Variants in DSCAML1 observed in about 807,000 individuals in gnomAD.
The protein encoded by DSCAML1 is cell adhesion molecule DSCAML1.
A neutral mutation model predicts 200.5 loss-of-function variants in DSCAML1; 38 were observed. The ratio of observed to expected loss-of-function variants is 0.19; its 90% CI spans 0.15 to 0.25. The LOEUF (loss-of-function observed/expected upper bound fraction) is 0.25, where lower values mean the gene tolerates loss of function less well. DSCAML1 is among the 10% of genes least tolerant of loss of function. The pLI is 1.00. For synonymous variants in DSCAML1, 1,215 were observed against 1,165.0 expected, an observed-to-expected ratio of 1.04 and a Z score of -0.87; for missense variants, 2,223 against 2,858.8, an observed-to-expected ratio of 0.78 and a Z score of 5.07.
intron 3 of DSCAML1, among the ~76,000 whole-genome samples, chr11:117,547,925 C>T (rs969259011): frequency 6.6e-6 from 1 of 152,214 alleles, no homozygotes; most frequent in Non-Finnish European, 1.5e-5. Context: ...TCTCCCACCC[C>T]TTCCCAGGGT....
chr11:117,726,086 G>A (rs2054124440), intron 3 of DSCAML1, among the ~76,000 whole-genome samples: 1 of 152,220 alleles, frequency 6.6e-6, no homozygotes, highest in African/African-American at 2.4e-5. Context: ...GCAGCCATAG[G>A]ACACCACCCA....
At chr11:117,769,761 C>A (rs2055005101) in intron 3 of DSCAML1, among the ~76,000 whole-genome samples, 3 of 150,838 alleles carry the variant, frequency 2.0e-5, no homozygotes, top group African/African-American at 7.3e-5. Flanking sequence ...GAATAAAAGT[C>A]CCCTTGTCTT....
intron 3 of DSCAML1, among the ~76,000 whole-genome samples, chr11:117,750,637 C>T (rs980876917): frequency 6.6e-6 from 1 of 152,168 alleles, no homozygotes; most frequent in Admixed American, 6.5e-5. Context: ...GAGTGTAGGC[C>T]TCTGTGCTTA....
In DSCAML1 at chr11:117,602,567, C is replaced by G. The variant is rs553277377; in HGVS notation, c.512-70045G>C. ...GTAGAGATGGAGTTTCACCATGTTG[C>G]CCAGGCTGGTCTTGAACTCCTAAGC... On this transcript the variant is annotated intron_variant, in intron 3 of 32. Coordinates refer to ENST00000651296, the MANE Select transcript of DSCAML1 (RefSeq NM_020693.4). Among the ~76,000 whole-genome samples, 4 of 152,124 alleles carry G rather than the reference C, an allele frequency of 2.6e-5. No homozygotes were observed. The East Asian group carries it at 7.8e-4, about 30-fold the overall frequency.
intron 19 of DSCAML1, among the ~76,000 whole-genome samples, chr11:117,456,534 C>T (rs1188326514): frequency 1.3e-5 from 2 of 152,164 alleles, no homozygotes; most frequent in African/African-American, 2.4e-5. Context: ...GGAAATAATG[C>T]CTCCCTCACA....
At chr11:117,431,234 T>C (rs2047785716) in intron 31 of DSCAML1, among the ~76,000 whole-genome samples, 1 of 152,204 alleles carries the variant, frequency 6.6e-6, no homozygotes, top group South Asian at 2.1e-4. Context: ...CCTTTCATTC[T>C]TGAAAATAAG....
At chr11:117,708,724 G>A (rs575395412) in intron 3 of DSCAML1, among the ~76,000 whole-genome samples, 39 of 152,314 alleles carry the variant, frequency 2.6e-4, no homozygotes, top group Non-Finnish European at 3.7e-4. Context: ...ACACAGGCAG[G>A]GCTTTTGTGT....
chr11:117,428,707 G>C lies in DSCAML1; in HGVS notation c.5783C>G (p.Ala1928Gly). ...EPCPVVPPRE[A>G]SIRNLARTYH... ...GGTTCGAGCCAGGTTCCGGATGGAG[G>C]CCTCACGGGGTGGGACCACGGGGCA... The change falls in exon 33 of 33, where the codon GCC becomes GGC. Residue 1928 changes from alanine (A) to glycine (G), a missense_variant. Around this residue, in one of 7 missense-constraint regions of DSCAML1, gnomAD observed 280 missense variants for 213.4 expected, o/e 1.31. Coordinates refer to ENST00000651296, the MANE Select transcript of DSCAML1 (RefSeq NM_020693.4). 6.2e-7 allele frequency: 1 copy of C among 1,613,216 alleles called. No homozygotes were observed. Among genetic ancestry groups the C allele is most frequent in the Non-Finnish European group, 8.5e-7 (1 of 1,179,736 alleles).
intron 3 of DSCAML1, among the ~76,000 whole-genome samples, chr11:117,624,080 T>C (rs982645046): frequency 1.3e-5 from 2 of 152,068 alleles, no homozygotes; most frequent in Non-Finnish European, 2.9e-5. Flanking sequence ...AGTGAAAAAA[T>C]AGAACAGGTT....
chr11:117,795,880 C>T (rs12792357), intron 1 of DSCAML1, among the ~76,000 whole-genome samples: 66,888 of 151,928 alleles, frequency 0.44, 15,201 homozygotes, highest in Non-Finnish European at 0.5. Flanking sequence ...AGAGTTGCCG[C>T]CCGGCCAGGG....
At chr11:117,782,545 C>T (rs565190380) in intron 1 of DSCAML1, among the ~76,000 whole-genome samples, 2 of 152,274 alleles carry the variant, frequency 1.3e-5, no homozygotes, top group East Asian at 3.9e-4. Context: ...CTGCACGGGA[C>T]CCTCAGAAGC....
intron 32 of DSCAML1, among the ~76,000 whole-genome samples, chr11:117,429,824 T>C (rs1043090908): frequency 2.6e-5 from 4 of 152,198 alleles, no homozygotes; most frequent in African/African-American, 9.7e-5. Context: ...TCTTATTGAA[T>C]CCTCACGACA....
At chr11:117,512,804 C>G (rs1330245064) in intron 8 of DSCAML1, among the ~76,000 whole-genome samples, 1 of 151,364 alleles carries the variant, frequency 6.6e-6, no homozygotes, top group Non-Finnish European at 1.5e-5. Flanking sequence ...CACACACACC[C>G]CTCCCCTTCC....
intron 11 of DSCAML1, among the ~76,000 whole-genome samples, chr11:117,491,555 G>C (rs1437677774): frequency 6.6e-6 from 1 of 152,180 alleles, no homozygotes; most frequent in Non-Finnish European, 1.5e-5. Context: ...CACTTGAGCT[G>C]ACCTGAGTTT....
chr11:117,535,224 A>G (rs1267421914), intron 3 of DSCAML1, among the ~76,000 whole-genome samples: 2 of 152,202 alleles, frequency 1.3e-5, no homozygotes, highest in Non-Finnish European at 2.9e-5. Context: ...CTTGCAGTCA[A>G]CTAAAGACCC....
chr11:117,788,282 T>G (rs1819895172), intron 1 of DSCAML1, among the ~76,000 whole-genome samples: 1 of 152,094 alleles, frequency 6.6e-6, no homozygotes, highest in Admixed American at 6.5e-5. Context: ...CATCTTTTGG[T>G]TTTTTTGGTT....
Position 117,525,058 on chromosome 11 carries a change from G to A in DSCAML1, c.684C>T (p.Ile228=), listed in dbSNP as rs1007062595. ...VTDPAESIPT[I]LDGFHSQEVW... is the part of the protein sequence containing the mutation. ...CTTCCTGGGAGTGGAAGCCATCCAGGATGGTGGGGATCGACTCAGCAGGGT... is the reference window on the plus strand; with the variant it reads ...CTTCCTGGGAGTGGAAGCCATCCAGAATGGTGGGGATCGACTCAGCAGGGT... Residue 228 remains isoleucine, a synonymous_variant, in exon 5 of 33, where the codon ATC becomes ATT. Coordinates refer to ENST00000651296, the MANE Select transcript of DSCAML1 (RefSeq NM_020693.4). The A allele has an allele frequency of 1.3e-6, 2 of 1,579,460 alleles. No homozygotes were observed. Among genetic ancestry groups the A allele is most frequent in the African/African-American group, 2.7e-5 (2 of 74,090 alleles).
intron 3 of DSCAML1, among the ~76,000 whole-genome samples, chr11:117,534,730 C>G (rs1310157712): frequency 1.3e-5 from 2 of 152,156 alleles, no homozygotes; most frequent in Non-Finnish European, 2.9e-5. Flanking sequence ...GCACCCCAGC[C>G]TCCCCAGTAG....
At chr11:117,597,009 G>A (rs1321718704) in intron 3 of DSCAML1, among the ~76,000 whole-genome samples, 1 of 152,178 alleles carries the variant, frequency 6.6e-6, no homozygotes, top group Non-Finnish European at 1.5e-5. Flanking sequence ...GTGATGAGCA[G>A]TCCCATAAAG....
Sources: gnomAD v4.1 joint callset for allele counts (sites outside exome capture counted in the v4.1 genomes callset) on GRCh38, gnomAD v4.1.1 for gene constraint, gnomAD v4.1.1 regional missense constraint, MANE v1.5 for transcripts, NCBI Gene and HGNC (gene_info 2026-07-23, HGNC 2026-07-21) for gene names.